Variants in MCUB observed in about 807,000 individuals in gnomAD.
MCUB encodes the protein mitochondrial calcium uniporter dominant negative subunit beta, also known as calcium uniporter regulatory subunit MCUb, mitochondrial.
Under a neutral mutation model 41.4 loss-of-function variants are expected in MCUB, and 46 were observed. The observed-to-expected ratio is 1.11, with a 90% CI of 0.88 to 1.42. MCUB has a LOEUF of 1.42. Among genes scored for constraint, MCUB ranks in the 40% most tolerant of loss-of-function variants. The probability of loss-of-function intolerance (pLI) is 0.00; values close to 1 mark genes in which losing one functional copy is unlikely to be tolerated. For missense variants in MCUB, 403 were observed against 404.9 expected (o/e 1.00, Z 0.04); for synonymous variants, 148 against 148.2 (o/e 1.00, Z 0.01).
intron 1 of MCUB, among the ~76,000 whole-genome samples, chr4:109,587,434 C>T (rs1010715480): frequency 6.6e-6 from 1 of 152,158 alleles, no homozygotes; most frequent in African/African-American, 2.4e-5. Context: ...CGATGCCCTG[C>T]CCTGATTCGG....
intron 7 of MCUB, among the ~76,000 whole-genome samples, chr4:109,686,841 C>T (rs1387942259): frequency 6.6e-6 from 1 of 152,118 alleles, no homozygotes; most frequent in East Asian, 1.9e-4. Context: ...CACACCACTG[C>T]ACTCCAGCCT....
intron 4 of MCUB, among the ~76,000 whole-genome samples, chr4:109,679,164 C>T (rs1330011379): frequency 8.0e-5 from 12 of 149,262 alleles, no homozygotes; most frequent in Non-Finnish European, 1.2e-4. Flanking sequence ...ACTTCCCAGA[C>T]GGGGCAGCTG....
At chr4:109,602,883 T>C (rs977157575) in intron 1 of MCUB, among the ~76,000 whole-genome samples, 2 of 152,184 alleles carry the variant, frequency 1.3e-5, no homozygotes, top group Non-Finnish European at 1.5e-5. Context: ...CTTGCATCTA[T>C]GATTTATAGT....
intron 1 of MCUB, among the ~76,000 whole-genome samples, chr4:109,642,491 G>C (rs911646162): frequency 3.3e-5 from 5 of 152,302 alleles, no homozygotes; most frequent in South Asian, 2.1e-4. Context: ...TTCTGTATCA[G>C]TGTGTTAGCT....
chr4:109,584,166 G>T (rs1256070651), intron 1 of MCUB, among the ~76,000 whole-genome samples: 1 of 152,072 alleles, frequency 6.6e-6, no homozygotes, highest in Non-Finnish European at 1.5e-5. Context: ...CTTCTTCCTG[G>T]TTTAGTCTTG....
At chr4:109,582,095 C>G (rs964933963) in intron 1 of MCUB, among the ~76,000 whole-genome samples, 1 of 152,066 alleles carries the variant, frequency 6.6e-6, no homozygotes, top group African/African-American at 2.4e-5. Context: ...TATTGAGGCA[C>G]TATTCACCAT....
chr4:109,619,954 AC>A (rs201454686), intron 1 of MCUB, among the ~76,000 whole-genome samples: 2 of 151,388 alleles, frequency 1.3e-5, no homozygotes, highest in African/African-American at 2.4e-5. Context: ...TACCTACGTC[AC>A]ATAGCTATTG....
intron 1 of MCUB, among the ~76,000 whole-genome samples, chr4:109,578,186 A>C (rs754724763): frequency 3.3e-5 from 5 of 152,142 alleles, no homozygotes; most frequent in South Asian, 2.1e-4. Flanking sequence ...TCTTCCCCCC[A>C]CACACAAAAA....
rs189060522 is a variant in MCUB at position 109,677,687 on chromosome 4, G to A, written c.452-4895G>A. On this transcript the variant is annotated intron_variant, in intron 4 of 7. Coordinates refer to ENST00000394650, the MANE Select transcript of MCUB (RefSeq NM_017918.5). ...CCCCTGCTTGCTCTCTCTCACCCAC[G>A]TAATGCTTTCTGCTACATTATGATG... 1.8e-3 allele frequency among the ~76,000 whole-genome samples: 274 copies of A among 151,798 alleles called. 3 individuals carry two copies. The highest frequency in any genetic ancestry group is 6.9e-3 in the Middle Eastern group (2 of 290).
chr4:109,583,619 G>C (rs1727236732), intron 1 of MCUB, among the ~76,000 whole-genome samples: 1 of 152,196 alleles, frequency 6.6e-6, no homozygotes, highest in Middle Eastern at 3.2e-3. Flanking sequence ...AGTGGTGAGA[G>C]AGGGCATCCC....
At chr4:109,651,898 T>G (rs368394018) in intron 1 of MCUB, among the ~76,000 whole-genome samples, 5 of 152,356 alleles carry the variant, frequency 3.3e-5, no homozygotes, top group Admixed American at 2.0e-4. Flanking sequence ...ATTTCCCATG[T>G]GGAGGCCGTC....
chr4:109,658,920 A>G, intron 1 of MCUB, 91 bp from the exon 2 acceptor site: 1 of 802,678 alleles, frequency 1.2e-6, no homozygotes. Context: ...TTCATATAGT[A>G]TTAAAAAGAA....
chr4:109,644,182 C>T (rs538908070), intron 1 of MCUB, among the ~76,000 whole-genome samples: 1 of 151,948 alleles, frequency 6.6e-6, no homozygotes, highest in African/African-American at 2.4e-5. Context: ...TGTATAGTTT[C>T]TAAAGTGGTA....
chr4:109,603,427 C>T (rs1040272459), intron 1 of MCUB, among the ~76,000 whole-genome samples: 9 of 152,192 alleles, frequency 5.9e-5, no homozygotes, highest in Non-Finnish European at 8.8e-5. Context: ...AGTGCAGTGG[C>T]GTGATCTAGG....
Position 109,573,367 on chromosome 4 carries a change from C to T in MCUB, c.99+12931C>T, listed in dbSNP as rs1396925770. ...ACTCGGGAGGCTGCGGCAGCAGAACCGCGTAAACCTGGGAGGTGGAGCTTG... is the reference window on the plus strand; with the variant it reads ...ACTCGGGAGGCTGCGGCAGCAGAACTGCGTAAACCTGGGAGGTGGAGCTTG... On this transcript the variant is annotated intron_variant, in intron 1 of 7. Coordinates refer to ENST00000394650, the MANE Select transcript of MCUB (RefSeq NM_017918.5). Among the ~76,000 whole-genome samples, 9 of 151,606 alleles carry T rather than the reference C, an allele frequency of 5.9e-5. No individual in the cohort carries two copies. The East Asian group carries it at 7.7e-4, about 13-fold the overall frequency.
At chr4:109,654,381 C>T (rs999835909) in intron 1 of MCUB, among the ~76,000 whole-genome samples, 2 of 152,088 alleles carry the variant, frequency 1.3e-5, no homozygotes, top group African/African-American at 2.4e-5. Flanking sequence ...GAGGCCGAGG[C>T]AGGCAGATCA....
chr4:109,600,299 C>T (rs866148034), intron 1 of MCUB, among the ~76,000 whole-genome samples: 1 of 152,110 alleles, frequency 6.6e-6, no homozygotes, highest in Non-Finnish European at 1.5e-5. Flanking sequence ...TCTTTTTGGG[C>T]CATGTAGCCC....
At chr4:109,634,779 T>C (rs529163044) in intron 1 of MCUB, among the ~76,000 whole-genome samples, 3 of 151,954 alleles carry the variant, frequency 2.0e-5, no homozygotes, top group African/African-American at 7.2e-5. Flanking sequence ...GGAAAAGGGG[T>C]CCTTGGACAT....
chr4:109,561,577 A>G (rs930005469), intron 1 of MCUB, among the ~76,000 whole-genome samples: 1 of 152,228 alleles, frequency 6.6e-6, no homozygotes, highest in African/African-American at 2.4e-5. Flanking sequence ...CAAACTCCTT[A>G]AAATGTAAAA....
Sources: allele counts gnomAD v4.1 joint callset (sites outside exome capture counted in the v4.1 genomes callset), GRCh38; gene constraint gnomAD v4.1.1; transcripts MANE v1.5; gene names NCBI Gene and HGNC (gene_info 2026-07-23, HGNC 2026-07-21).